Variants in SERPINI2 observed in about 807,000 individuals in gnomAD.
SERPINI2 encodes serpin family I member 2.
In SERPINI2, 48 loss-of-function variants were observed where a neutral mutation model predicts 47.3. The ratio of observed to expected loss-of-function variants is 1.02; its 90% CI spans 0.81 to 1.29. The LOEUF is 1.29. Ranked by LOEUF, SERPINI2 falls within the 50% of genes most tolerant of loss-of-function variation. SERPINI2 has a pLI of 0.00. For missense variants in SERPINI2, 448 were observed against 456.9 expected (o/e 0.98, Z 0.18); for synonymous variants, 135 against 149.3 (o/e 0.90, Z 0.70).
At position 167,454,484 on chromosome 3, in the gene SERPINI2, T is replaced by A. The variant is rs184080358; in HGVS notation, c.867-1451A>T. Among the ~76,000 whole-genome samples, 10 of 152,258 alleles carry A rather than the reference T, an allele frequency of 6.6e-5. No individual in the cohort carries two copies. In the South Asian group the frequency reaches 2.1e-3, roughly 32 times the overall value. On this transcript the variant is annotated intron_variant, in intron 5 of 8. Transcript: ENST00000264677. ...ATATGCAGCATGATGGTTTGGGAGG[T>A]TGGCTTTTTTCCTGTTTTTATTACC...
At chr3:167,473,563 AT>A (rs1486552910) in intron 1 of SERPINI2, among the ~76,000 whole-genome samples, 2 of 151,236 alleles carry the variant, frequency 1.3e-5, no homozygotes, top group African/African-American at 4.8e-5. Flanking sequence ...TAAAAATGTA[AT>A]TTTTTTCTTT....
At chr3:167,450,919 G>A (rs891878791) in intron 6 of SERPINI2, among the ~76,000 whole-genome samples, 3 of 152,126 alleles carry the variant, frequency 2.0e-5, no homozygotes, top group Non-Finnish European at 2.9e-5. Context: ...GAAAAGAACA[G>A]GCCCTGAAAT....
chr3:167,450,979 C>T (rs1223351760), intron 6 of SERPINI2, among the ~76,000 whole-genome samples: 1 of 152,140 alleles, frequency 6.6e-6, no homozygotes, highest in Non-Finnish European at 1.5e-5. Context: ...ATTCATTATA[C>T]CTTCATAGTC....
At chr3:167,454,209 T>G (rs541449883) in intron 5 of SERPINI2, among the ~76,000 whole-genome samples, 4 of 152,232 alleles carry the variant, frequency 2.6e-5, no homozygotes, top group Non-Finnish European at 4.4e-5. Flanking sequence ...TTGTTTTAAT[T>G]GGAAATACTG....
intron 8 of SERPINI2, among the ~76,000 whole-genome samples, chr3:167,443,400 C>T (rs1749385457): frequency 6.6e-6 from 1 of 152,172 alleles, no homozygotes; most frequent in South Asian, 2.1e-4. Flanking sequence ...AGCCACCGCG[C>T]CTGGCCCAGA....
At chr3:167,452,535 G>A (rs1329445914) in intron 6 of SERPINI2, among the ~76,000 whole-genome samples, 1 of 152,200 alleles carries the variant, frequency 6.6e-6, no homozygotes, top group South Asian at 2.1e-4. Flanking sequence ...ACTATTTCAT[G>A]TGTTCTCATA....
At chr3:167,463,081 ACT>A (rs1317469634) in intron 5 of SERPINI2, among the ~76,000 whole-genome samples, 1 of 151,726 alleles carries the variant, frequency 6.6e-6, no homozygotes, top group Non-Finnish European at 1.5e-5. Context: ...TGGTCAAGTG[ACT>A]CTCCTGAGAC....
exon 3 of SERPINI2, chr3:167,467,117 T>C: frequency 6.2e-7 from 1 of 1,613,482 alleles, no homozygotes; most frequent in East Asian, 2.2e-5. Flanking sequence ...ATCTTGAAAA[T>C]CCACCAGTTT....
intron 5 of SERPINI2, among the ~76,000 whole-genome samples, chr3:167,456,576 T>C (rs1749800787): frequency 6.6e-6 from 1 of 152,198 alleles, no homozygotes; most frequent in Admixed American, 6.5e-5. Flanking sequence ...ACCCTATCAC[T>C]GACTGTTTGT....
At position 167,465,731 on chromosome 3, in the gene SERPINI2, T is replaced by C. The variant is rs1182889438; in HGVS notation, c.479-58A>G. The C allele has an allele frequency of 9.8e-6, 14 of 1,435,206 alleles. No homozygotes were observed. The Admixed American group carries it at 1.3e-4, about 14-fold the overall frequency. 88.9% of individuals were successfully genotyped at this position (1,435,206 alleles called of 1,614,324 possible). The stretch of plus-strand genomic sequence containing the variant: ...AATGTGCAATAGTGATTCAGTGGAA[T>C]TGCTTTGAATAGAATTAAAGCAAAA... On this transcript the variant is annotated intron_variant, in intron 3 of 8. Coordinates refer to ENST00000264677, the Ensembl canonical transcript of SERPINI2.
intron 6 of SERPINI2, among the ~76,000 whole-genome samples, chr3:167,450,408 G>A (rs554576170): frequency 6.6e-6 from 1 of 152,182 alleles, no homozygotes; most frequent in Non-Finnish European, 1.5e-5. Context: ...GAAGGAAGAA[G>A]TGAAACCCGG....
chr3:167,471,868 A>T (rs760065458), intron 1 of SERPINI2, 24 bp from the exon 2 acceptor site: 1 of 1,559,746 alleles, frequency 6.4e-7, no homozygotes, highest in South Asian at 1.1e-5. Flanking sequence ...ATCAAAATAT[A>T]TTCATTTTCA....
At position 167,461,736 on chromosome 3, in the gene SERPINI2, C is replaced by T. The variant is rs563863454; in HGVS notation, c.866+3470G>A. Among the ~76,000 whole-genome samples the T allele has an allele frequency of 8.7e-4, 132 of 151,928 alleles. 1 individual carries two copies. The highest frequency in any genetic ancestry group is 3.0e-3 in the African/African-American group (126 of 41,428). Reference sequence around the variant, plus strand: ...AGTGATCCTCCTGCCTTATCCTCCACGGTAGCTGGGACTACAGGCACACAC... The same window carrying T: ...AGTGATCCTCCTGCCTTATCCTCCATGGTAGCTGGGACTACAGGCACACAC... On this transcript the variant is annotated intron_variant, in intron 5 of 8. Coordinates refer to ENST00000264677, the Ensembl canonical transcript of SERPINI2.
At chr3:167,455,268 T>C (rs986919318) in intron 5 of SERPINI2, among the ~76,000 whole-genome samples, 1 of 152,214 alleles carries the variant, frequency 6.6e-6, no homozygotes, top group Non-Finnish European at 1.5e-5. Flanking sequence ...TAATATCTAT[T>C]TGTTTAAAAG....
At chr3:167,443,008 T>C (rs1035674480) in intron 8 of SERPINI2, among the ~76,000 whole-genome samples, 4 of 152,212 alleles carry the variant, frequency 2.6e-5, no homozygotes, top group African/African-American at 9.6e-5. Context: ...CGGCCCTTTT[T>C]TATTAACTCT....
rs1394953208 is a variant in SERPINI2, at chr3:167,457,818, A to C, written c.867-4785T>G. ...GAACTTTCCCAATGGGGAGAAGGGA[A>C]GATGCTTGTATGATATTGCATGGAG... On this transcript the variant is annotated intron_variant, in intron 5 of 8. Coordinates refer to ENST00000264677, the Ensembl canonical transcript of SERPINI2. 3.3e-5 allele frequency among the ~76,000 whole-genome samples: 5 copies of C among 152,234 alleles called. No individual in the cohort carries two copies. In the South Asian group the frequency reaches 6.2e-4, roughly 19 times the overall value.
chr3:167,449,501 T>C (rs1327894018), intron 6 of SERPINI2, 99 bp from the exon 7 acceptor site: 6 of 562,372 alleles, frequency 1.1e-5, no homozygotes, highest in African/African-American at 2.7e-5. Flanking sequence ...TTTATTTATT[T>C]ATTTATTTTT....
At chr3:167,468,541 C>T (rs1045737369) in intron 2 of SERPINI2, among the ~76,000 whole-genome samples, 2 of 152,082 alleles carry the variant, frequency 1.3e-5, no homozygotes, top group Admixed American at 1.3e-4. Context: ...ATGAAGTATA[C>T]TGCATTATAT....
intron 4 of SERPINI2, 30 bp from the exon 5 acceptor site, chr3:167,465,428 T>C (rs1750104070): frequency 1.2e-6 from 2 of 1,603,692 alleles, no homozygotes; most frequent in Non-Finnish European, 1.7e-6. Flanking sequence ...ATATCAAATA[T>C]ACTTGGCAAT....
Sources: gnomAD v4.1 joint callset for allele counts (sites outside exome capture counted in the v4.1 genomes callset) on GRCh38, gnomAD v4.1.1 for gene constraint, MANE v1.5 for transcripts, NCBI Gene and HGNC (gene_info 2026-07-23, HGNC 2026-07-21) for gene names.